Variants in HEPH observed in about 807,000 individuals in gnomAD.
HEPH encodes the protein hephaestin.
HEPH carries 69 observed loss-of-function variants against 80.8 expected under a neutral mutation model. The observed-to-expected ratio is 0.85, with a 90% CI of 0.70 to 1.04. HEPH has a LOEUF of 1.04. Ranked by LOEUF, HEPH falls within the 50% of genes least tolerant of loss-of-function variation. The pLI is 0.00. For synonymous variants in HEPH, 431 were observed against 322.8 expected, an observed-to-expected ratio of 1.34 and a Z score of -3.60; for missense variants, 1,115 against 891.3, an observed-to-expected ratio of 1.25 and a Z score of -3.20.
chrX:66,163,431 T>C (rs1300874423), upstream of HEPH, among the ~76,000 whole-genome samples: 2 of 111,212 alleles, frequency 1.8e-5, no homozygotes, highest in African/African-American at 6.6e-5. Flanking sequence ...TTGACCTGTG[T>C]TAATCCAGGC....
chrX:66,248,671 G>T (rs1187532425), intron 15 of HEPH, among the ~76,000 whole-genome samples: 1 of 112,259 alleles, frequency 8.9e-6, no homozygotes, highest in African/African-American at 3.2e-5. Context: ...ATAAATTCAT[G>T]CAGGTTTTTC....
chrX:66,250,981 T>G (rs1286488726), intron 15 of HEPH, among the ~76,000 whole-genome samples: 2 of 112,082 alleles, frequency 1.8e-5, no homozygotes, highest in African/African-American at 6.5e-5. Context: ...CCCCCAAGGT[T>G]CAAATGACTC....
intron 13 of HEPH, among the ~76,000 whole-genome samples, chrX:66,206,433 G>A (rs1239672843): frequency 2.4e-5 from 2 of 84,735 alleles, no homozygotes; most frequent in Non-Finnish European, 4.3e-5. Context: ...CATGATCTTG[G>A]CTCACAGCAA....
chrX:66,203,559 AC>A lies in HEPH; in HGVS notation c.2275del (p.Gln759SerfsTer12). 1 of 1,210,930 alleles carries A rather than the reference AC, an allele frequency of 8.3e-7. No homozygotes were observed. Among genetic ancestry groups the A allele is most frequent in the East Asian group, 3.0e-5 (1 of 33,853 alleles). On this transcript the variant is annotated frameshift_variant, in exon 13 of 21. Coordinates refer to ENST00000343002, the MANE Select transcript of HEPH (RefSeq NM_001367233.3). LOFTEE classifies it high-confidence loss of function. Reference sequence around the variant, plus strand: ...CGGAGCTGGGAACGGGAATGGCACAACCAGTCTGAGAAGGACAGGTAAGGCT... The same window carrying A: ...CGGAGCTGGGAACGGGAATGGCACAACAGTCTGAGAAGGACAGGTAAGGCT... ...PDRSWEREWH[N>X]QSEKDSYGYI...
chrX:66,203,558 A>G lies in HEPH; in HGVS notation c.2272A>G (p.Asn758Asp). 5 of 1,210,722 alleles carry G rather than the reference A, an allele frequency of 4.1e-6. No individual in the cohort carries two copies. Among genetic ancestry groups the G allele is most frequent in the Non-Finnish European group, 5.6e-6 (5 of 894,360 alleles). The part of the protein sequence containing the change: ...PDRSWEREWH[N>D]QSEKDSYGYI... ...CCGGAGCTGGGAACGGGAATGGCAC[A>G]ACCAGTCTGAGAAGGACAGGTAAGG... The change falls in exon 13 of 21, where the codon AAC becomes GAC. Residue 758 changes from asparagine (N) to aspartate (D), a missense_variant. Physicochemically the swap from Asn to Asp is conservative, Grantham distance 23. This residue lies in a region of HEPH where 716 missense variants were observed against 523.5 expected (regional missense o/e 1.37). Coordinates refer to ENST00000343002, the MANE Select transcript of HEPH (RefSeq NM_001367233.3).
chrX:66,215,034 A>T (rs779185769), intron 15 of HEPH, among the ~76,000 whole-genome samples: 1 of 111,705 alleles, frequency 9.0e-6, no homozygotes. Flanking sequence ...TTGACATTGC[A>T]TTAAATTTAT....
At chrX:66,199,872 G>A (rs1029585591) in intron 11 of HEPH, among the ~76,000 whole-genome samples, 1 of 111,833 alleles carries the variant, frequency 8.9e-6, no homozygotes, top group Non-Finnish European at 1.9e-5. Flanking sequence ...TATTATCAAA[G>A]CACCTACAAT....
chrX:66,218,904 A>G (rs1569351679), intron 15 of HEPH, among the ~76,000 whole-genome samples: 1 of 111,864 alleles, frequency 8.9e-6, no homozygotes, highest in Non-Finnish European at 1.9e-5. Flanking sequence ...AGGGTGTGGC[A>G]CCGGGCTGTC....
intron 18 of HEPH, 106 bp from the exon 19 acceptor site, chrX:66,259,994 G>A: frequency 1.6e-6 from 1 of 630,437 alleles, no homozygotes; most frequent in South Asian, 2.9e-5. Flanking sequence ...GAACCTTGAA[G>A]TCTCAGCTCC....
chrX:66,254,956 C>A, intron 15 of HEPH, 79 bp from the exon 16 acceptor site: 1 of 557,658 alleles, frequency 1.8e-6, no homozygotes, highest in Non-Finnish European at 3.0e-6. Context: ...ATTCACTCAC[C>A]ACTGCCTCTT....
In HEPH at chrX:66,213,808, C is replaced by T. The variant is rs1426495130; in HGVS notation, c.2563+5562C>T. ...AAATCAGTAGGACAAAACAAACATTCCTGAAGCAGACCCAAGCTTCTGCCT... is the reference window on the plus strand; with the variant it reads ...AAATCAGTAGGACAAAACAAACATTTCTGAAGCAGACCCAAGCTTCTGCCT... On this transcript the variant is annotated intron_variant, in intron 15 of 20. Transcript: ENST00000343002. Among the ~76,000 whole-genome samples, 4 of 112,181 alleles carry T rather than the reference C, an allele frequency of 3.6e-5. No individual in the cohort carries two copies. The East Asian group carries it at 8.4e-4, about 24-fold the overall frequency.
chrX:66,203,638 TG>T, intron 13 of HEPH, 61 bp downstream of exon 13: 1 of 1,000,743 alleles, frequency 1.0e-6, no homozygotes, highest in East Asian at 3.2e-5. Context: ...ATGAGAATAC[TG>T]AAATTCTGAG....
At chrX:66,235,254 G>A (rs758644532) in intron 15 of HEPH, among the ~76,000 whole-genome samples, 4 of 111,398 alleles carry the variant, frequency 3.6e-5, no homozygotes, top group African/African-American at 6.5e-5. Flanking sequence ...CTGTGTCTTC[G>A]TCATGAAATC....
chrX:66,266,545 T>C lies in HEPH; in HGVS notation c.3350T>C (p.Val1117Ala), dbSNP rs771751868. Residue 1117 changes from valine to alanine, a missense_variant, in exon 21 of 21, where the codon GTC becomes GCC. This residue lies in a region of HEPH where 716 missense variants were observed against 523.5 expected (regional missense o/e 1.37). Coordinates refer to ENST00000343002, the MANE Select transcript of HEPH (RefSeq NM_001367233.3). The stretch of plus-strand genomic sequence containing the variant: ...GCCTCTGTTTTGGTTGCCATTAGTG[T>C]CACCCTTCTGCTCGTTGTTCTGGCT... ...MLASVLVAIS[V>A]TLLLVVLALG... is the part of the protein sequence containing the mutation. The C allele has an allele frequency of 1.7e-6, 2 of 1,207,002 alleles. No individual in the cohort carries two copies. Among genetic ancestry groups the C allele is most frequent in the Admixed American group, 2.2e-5 (1 of 45,553 alleles).
rs182057498 is a variant in HEPH, at chrX:66,198,690, T to G, written c.1714-188T>G. On this transcript the variant is annotated intron_variant, in intron 10 of 20. Coordinates refer to ENST00000343002, the MANE Select transcript of HEPH (RefSeq NM_001367233.3). ...TCAGGCTTGTACTTTTATTGTGACA[T>G]TCTTCTCTCATCTGCAATTTGAGGT... is the stretch of plus-strand genomic sequence containing the variant. 7.2e-5 allele frequency among the ~76,000 whole-genome samples: 8 copies of G among 111,460 alleles called. No homozygotes were observed. In the Admixed American group the frequency reaches 7.6e-4, roughly 11 times the overall value.
chrX:66,216,734 C>G (rs991237703), intron 15 of HEPH, among the ~76,000 whole-genome samples: 2 of 111,104 alleles, frequency 1.8e-5, no homozygotes, highest in East Asian at 5.6e-4. Flanking sequence ...TCTGAATGGC[C>G]AGAAGAAAAA....
chrX:66,228,269 A>G (rs1332018417), intron 15 of HEPH, among the ~76,000 whole-genome samples: 1 of 112,628 alleles, frequency 8.9e-6, no homozygotes, highest in Non-Finnish European at 1.9e-5. Context: ...CCATGATTCA[A>G]TGATCTCCCA....
chrX:66,190,928 A>G (rs1379798054), intron 6 of HEPH, among the ~76,000 whole-genome samples: 1 of 111,763 alleles, frequency 8.9e-6, no homozygotes, highest in Non-Finnish European at 1.9e-5. Context: ...AGAGACAGAC[A>G]TGCTTGGATT....
chrX:66,180,856 C>A (rs1315416954), intron 4 of HEPH, among the ~76,000 whole-genome samples: 2 of 66,162 alleles, frequency 3.0e-5, no homozygotes, highest in Admixed American at 1.9e-4. Flanking sequence ...CCTCCCCCGA[C>A]CCCACCACAG....
Sources: allele counts gnomAD v4.1 joint callset (sites outside exome capture counted in the v4.1 genomes callset), GRCh38; gene constraint gnomAD v4.1.1; regional missense constraint gnomAD v4.1.1; transcripts MANE v1.5; gene names NCBI Gene and HGNC (gene_info 2026-07-23, HGNC 2026-07-21).